Variants in ROBO1 observed in about 807,000 individuals in gnomAD.
The protein encoded by ROBO1 is roundabout guidance receptor 1.
A neutral mutation model predicts 195.9 loss-of-function variants in ROBO1; 149 were observed. That is an observed-to-expected ratio of 0.76 (90% confidence interval 0.67 to 0.87). The LOEUF (loss-of-function observed/expected upper bound fraction) is 0.87. Among genes scored for constraint, ROBO1 ranks in the 40% least tolerant of loss-of-function variants. ROBO1 has a pLI of 0.00. For missense variants in ROBO1, 1,933 were observed against 2,068.3 expected (o/e 0.93, Z 1.27); for synonymous variants, 816 against 733.2 (o/e 1.11, Z -1.82).
intron 3 of ROBO1, among the ~76,000 whole-genome samples, chr3:79,000,997 C>T (rs531254208): frequency 2.0e-5 from 3 of 152,180 alleles, no homozygotes; most frequent in East Asian, 1.9e-4. Flanking sequence ...TGGAAACCAT[C>T]GTTCTCAGCA....
At chr3:78,736,537 C>A (rs2082396520) in intron 5 of ROBO1, among the ~76,000 whole-genome samples, 1 of 151,990 alleles carries the variant, frequency 6.6e-6, no homozygotes, top group African/African-American at 2.4e-5. Context: ...GGTAGAAGAA[C>A]AGAACATTAC....
Position 78,880,642 on chromosome 3 carries a change from T to C in ROBO1, c.499+57959A>G, listed in dbSNP as rs75914942. ...TCAAGAAAATTGCAAATTTAAATGG[T>C]GCCACAACCAGGCCGCTGCTCTTTG... On this transcript the variant is annotated intron_variant, in intron 4 of 30. Coordinates refer to ENST00000464233, the MANE Select transcript of ROBO1 (RefSeq NM_002941.4). 9.5e-3 allele frequency among the ~76,000 whole-genome samples: 1,454 copies of C among 152,318 alleles called. 33 individuals are homozygous for C. The highest frequency in any genetic ancestry group is 0.03 in the African/African-American group (1,267 of 41,576).
chr3:78,615,215 T>G (rs1415422782), intron 27 of ROBO1, among the ~76,000 whole-genome samples: 1 of 152,238 alleles, frequency 6.6e-6, no homozygotes, highest in Non-Finnish European at 1.5e-5. Context: ...AAGAAATTCA[T>G]GTTCTAAGAA....
intron 23 of ROBO1, chr3:78,634,597 C>A: frequency 4.1e-6 from 1 of 246,326 alleles, no homozygotes; most frequent in Non-Finnish European, 9.0e-6. Flanking sequence ...CGGAGGCTCT[C>A]AGGGCTTTCC....
intron 2 of ROBO1, among the ~76,000 whole-genome samples, chr3:79,229,491 G>C (rs1377619623): frequency 6.6e-6 from 1 of 152,096 alleles, no homozygotes; most frequent in Non-Finnish European, 1.5e-5. Context: ...CCATTGCCCA[G>C]GATAGAGTGC....
chr3:79,427,737 T>C (rs1191832582), intron 2 of ROBO1, among the ~76,000 whole-genome samples: 3 of 152,130 alleles, frequency 2.0e-5, no homozygotes, highest in South Asian at 2.1e-4. Flanking sequence ...TGGATTTCCG[T>C]ATGCATAAGA....
intron 14 of ROBO1, among the ~76,000 whole-genome samples, chr3:78,667,275 T>A (rs1255445144): frequency 6.6e-6 from 1 of 152,158 alleles, no homozygotes; most frequent in Non-Finnish European, 1.5e-5. Context: ...CACATATTTT[T>A]AAAATTTATG....
At chr3:78,944,533 G>A (rs1576442842) in intron 3 of ROBO1, among the ~76,000 whole-genome samples, 1 of 152,218 alleles carries the variant, frequency 6.6e-6, no homozygotes, top group Admixed American at 6.5e-5. Flanking sequence ...TGTGGAGGGA[G>A]GAGCCAAGAT....
chr3:79,300,966 C>A (rs562789507), intron 2 of ROBO1, among the ~76,000 whole-genome samples: 13 of 152,196 alleles, frequency 8.5e-5, no homozygotes, highest in East Asian at 3.9e-4. Flanking sequence ...TCAAAACACA[C>A]CACTGGGCTC....
intron 2 of ROBO1, among the ~76,000 whole-genome samples, chr3:79,463,717 A>C (rs2107276774): frequency 6.6e-6 from 1 of 152,356 alleles, no homozygotes; most frequent in Admixed American, 6.5e-5. Flanking sequence ...ATACTGAAAT[A>C]GTTGAACTGA....
chr3:79,475,736 C>G (rs1369662684), intron 2 of ROBO1, among the ~76,000 whole-genome samples: 3 of 152,024 alleles, frequency 2.0e-5, no homozygotes, highest in Non-Finnish European at 2.9e-5. Context: ...GTCCTCCCCA[C>G]TAGTTTGAAC....
intron 2 of ROBO1, among the ~76,000 whole-genome samples, chr3:79,300,144 C>T (rs1197044579): frequency 1.3e-5 from 2 of 152,216 alleles, no homozygotes; most frequent in African/African-American, 2.4e-5. Flanking sequence ...CTCAGCCCAC[C>T]GCTGCAGTGT....
At chr3:79,579,987 A>G (rs1421782173) in intron 2 of ROBO1, among the ~76,000 whole-genome samples, 2 of 152,138 alleles carry the variant, frequency 1.3e-5, no homozygotes, top group Non-Finnish European at 2.9e-5. Flanking sequence ...TGTCAAGCTA[A>G]GAACTTAAAC....
intron 25 of ROBO1, among the ~76,000 whole-genome samples, chr3:78,628,030 C>T (rs1355788223): frequency 6.7e-5 from 10 of 149,920 alleles, no homozygotes; most frequent in African/African-American, 9.8e-5. Context: ...CTCAGCTCAA[C>T]GCAACCTCCA....
At chr3:79,172,656 T>C (rs1217370973) in intron 2 of ROBO1, among the ~76,000 whole-genome samples, 1 of 138,544 alleles carries the variant, frequency 7.2e-6, no homozygotes, top group Non-Finnish European at 1.5e-5. Flanking sequence ...TTATTTTCAA[T>C]TTTTTTTTTT....
Position 79,168,164 on chromosome 3 carries a change from C to T in ROBO1, c.89-42625G>A, listed in dbSNP as rs557368267. ...GATTTGCTGGCACAACCCTATCGGC[C>T]TGTGTGTGATTTGGCTAATTGCGTA... On this transcript the variant is annotated intron_variant, in intron 2 of 30. Transcript: ENST00000464233. 7.9e-5 allele frequency among the ~76,000 whole-genome samples: 12 copies of T among 152,214 alleles called. No homozygotes were observed. The Middle Eastern group carries it at 0.01, about 129-fold the overall frequency.
At chr3:78,722,058 GT>G (rs1371435380) in intron 5 of ROBO1, among the ~76,000 whole-genome samples, 1 of 152,018 alleles carries the variant, frequency 6.6e-6, no homozygotes, top group East Asian at 1.9e-4. Context: ...TAAGGAATTT[GT>G]AGTATACACC....
At position 79,044,938 on chromosome 3, in the gene ROBO1, G is replaced by T. The variant is rs182468182; in HGVS notation, c.172+80518C>A. On this transcript the variant is annotated intron_variant, in intron 3 of 30. Transcript: ENST00000464233. ...TGAGAATAGAAATACTCAAAGCATT[G>T]TATTAAATAATAAATGAAACAAATT... Among the ~76,000 whole-genome samples the T allele has an allele frequency of 3.3e-5, 5 of 151,886 alleles. 1 individual carries two copies. The East Asian group carries it at 9.7e-4, about 29-fold the overall frequency.
chr3:78,936,240 T>A (rs532628452), intron 4 of ROBO1, among the ~76,000 whole-genome samples: 5 of 152,142 alleles, frequency 3.3e-5, no homozygotes, highest in Non-Finnish European at 5.9e-5. Flanking sequence ...TTGACAATTG[T>A]TAGGAACCAA....
Sources: gnomAD v4.1 joint callset for allele counts (sites outside exome capture counted in the v4.1 genomes callset) on GRCh38, gnomAD v4.1.1 for gene constraint, MANE v1.5 for transcripts, NCBI Gene and HGNC (gene_info 2026-07-23, HGNC 2026-07-21) for gene names.